Variants in CDCA2 observed in about 807,000 individuals in gnomAD.
CDCA2 encodes the protein cell division cycle associated 2.
In CDCA2, 44 loss-of-function variants were observed where a neutral mutation model predicts 67.0. The ratio of observed to expected loss-of-function variants is 0.66; its 90% CI spans 0.52 to 0.84. The LOEUF (loss-of-function observed/expected upper bound fraction) is 0.84, where lower values mean the gene tolerates loss of function less well. Ranked by LOEUF, CDCA2 falls within the 40% of genes least tolerant of loss-of-function variation. The pLI, the probability that CDCA2 is intolerant of heterozygous loss-of-function variation, is 0.00. For missense variants in CDCA2, 1,253 were observed against 1,203.2 expected (o/e 1.04, Z -0.61); for synonymous variants, 447 against 418.7 (o/e 1.07, Z -0.82).
chr8:25,461,317 A>G (rs965252834), intron 3 of CDCA2, among the ~76,000 whole-genome samples: 5 of 151,550 alleles, frequency 3.3e-5, no homozygotes, highest in Non-Finnish European at 7.4e-5. Context: ...GATTCTGGCT[A>G]ATGTCCTTCG....
intron 7 of CDCA2, among the ~76,000 whole-genome samples, chr8:25,474,503 T>A (rs1190316667): frequency 6.6e-6 from 1 of 152,202 alleles, no homozygotes; most frequent in Non-Finnish European, 1.5e-5. Context: ...ATGATCCATT[T>A]CTTTTATCCA....
chr8:25,480,849 C>G (rs1020071651), intron 8 of CDCA2, among the ~76,000 whole-genome samples: 8 of 152,136 alleles, frequency 5.3e-5, no homozygotes, highest in Non-Finnish European at 1.2e-4. Flanking sequence ...ATTATTTGAC[C>G]TTTCTCTGCC....
chr8:25,468,434 A>G lies in CDCA2; in HGVS notation c.735+21A>G. ...CTGAGGTAATTCACTTACTTTACGC[A>G]TAGGAAAATGAAGTTGTTGGTTTTC... On this transcript the variant is annotated intron_variant, in intron 6 of 14. Transcript: ENST00000330560. 3 of 1,595,086 alleles carry G rather than the reference A, an allele frequency of 1.9e-6. 1 individual carries two copies. The highest frequency in any genetic ancestry group is 2.7e-5 in the African/African-American group (2 of 74,458).
chr8:25,485,455 C>T (rs1803735408), intron 10 of CDCA2, among the ~76,000 whole-genome samples: 1 of 151,888 alleles, frequency 6.6e-6, no homozygotes, highest in African/African-American at 2.4e-5. Context: ...TTTAAATTTT[C>T]TTTATAGGAG....
intron 13 of CDCA2, 97 bp from the exon 14 acceptor site, chr8:25,503,276 C>G (rs1804544480): frequency 1.1e-6 from 1 of 883,062 alleles, no homozygotes; most frequent in African/African-American, 1.7e-5. Context: ...AAGTGAGACC[C>G]TGTCTCAAAA....
intron 3 of CDCA2, among the ~76,000 whole-genome samples, chr8:25,460,975 A>G (rs984489961): frequency 2.0e-5 from 3 of 152,168 alleles, no homozygotes; most frequent in Non-Finnish European, 4.4e-5. Context: ...TCCTTTAACA[A>G]TCACAAACAG....
intron 7 of CDCA2, among the ~76,000 whole-genome samples, chr8:25,476,306 T>G (rs1803345755): frequency 6.6e-6 from 1 of 152,204 alleles, no homozygotes; most frequent in African/African-American, 2.4e-5. Context: ...ATAATTCAGA[T>G]TTAACTGGGC....
At chr8:25,473,515 C>T (rs568587498) in intron 7 of CDCA2, among the ~76,000 whole-genome samples, 3 of 152,240 alleles carry the variant, frequency 2.0e-5, no homozygotes, top group African/African-American at 4.8e-5. Context: ...TATTCAAAAT[C>T]AGCCCTTCCA....
At chr8:25,478,617 C>T (rs1803439307) in intron 7 of CDCA2, among the ~76,000 whole-genome samples, 1 of 152,170 alleles carries the variant, frequency 6.6e-6, no homozygotes, top group African/African-American at 2.4e-5. Flanking sequence ...TCTCAGCTCT[C>T]TTGTCCATGC....
chr8:25,460,939 A>G (rs768318353), intron 3 of CDCA2, among the ~76,000 whole-genome samples: 86 of 152,208 alleles, frequency 5.7e-4, no homozygotes, highest in Non-Finnish European at 7.9e-4. Context: ...TTAAGAAAAT[A>G]TAATACTGAA....
chr8:25,498,770 A>T (rs577708643), intron 13 of CDCA2, among the ~76,000 whole-genome samples: 9 of 152,096 alleles, frequency 5.9e-5, no homozygotes, highest in African/African-American at 1.9e-4. Context: ...CTTCATTCCT[A>T]CAGTTTTGTC....
intron 13 of CDCA2, among the ~76,000 whole-genome samples, chr8:25,492,864 A>AG (rs1804067359): frequency 6.6e-6 from 1 of 152,232 alleles, no homozygotes; most frequent in Non-Finnish European, 1.5e-5. Context: ...GGTAGAAACA[A>AG]GGGGGCTAAT....
intron 13 of CDCA2, among the ~76,000 whole-genome samples, chr8:25,495,580 AATTTTTT>A (rs1157322960): frequency 2.6e-5 from 4 of 152,064 alleles, no homozygotes; most frequent in East Asian, 3.9e-4. Context: ...ACGCCCGGCT[AATTTTTT>A]ATTTTTTATT....
Position 25,507,872 on chromosome 8 carries a change from C to G in CDCA2, c.*134C>G, listed in dbSNP as rs1804749500. ...ATAAATAAACTCATTTGAGTTGAAC[C>G]TACTTTTATGTAGAAATAAATAAGT... On this transcript the variant is annotated 3_prime_UTR_variant, in exon 15 of 15. Transcript: ENST00000330560. The G allele has an allele frequency of 1.3e-6, 1 of 783,442 alleles. No homozygotes were observed. Among genetic ancestry groups the G allele is most frequent in the Non-Finnish European group, 1.8e-6 (1 of 545,252 alleles). 48.5% of individuals were successfully genotyped at this position (783,442 alleles called of 1,614,324 possible). A position where few individuals can be genotyped will look rare whatever the true frequency, so the allele number is the denominator to read the frequency against.
At chr8:25,484,261 T>C (rs1471338236) in intron 10 of CDCA2, 51 bp downstream of exon 10, 1 of 1,592,672 alleles carries the variant, frequency 6.3e-7, no homozygotes, top group African/African-American at 1.3e-5. Flanking sequence ...TTCATCAGGC[T>C]TCACCTGCTT....
chr8:25,473,621 C>T (rs2117497769), intron 7 of CDCA2, among the ~76,000 whole-genome samples: 1 of 152,190 alleles, frequency 6.6e-6, no homozygotes, highest in East Asian at 1.9e-4. Context: ...AGTCTTGGGA[C>T]CATAACAGAA....
rs904788759 is a variant in CDCA2, at chr8:25,460,658, T to C, written c.232+104T>C. On this transcript the variant is annotated intron_variant, in intron 3 of 14. Coordinates refer to ENST00000330560, the MANE Select transcript of CDCA2 (RefSeq NM_152562.4). ...TACGTACTGTCATATTTTAGGTACCTAAATTGCCTACTCTGCAAACTTGCT... is the reference window on the plus strand; with the variant it reads ...TACGTACTGTCATATTTTAGGTACCCAAATTGCCTACTCTGCAAACTTGCT... The C allele has an allele frequency of 1.3e-5, 15 of 1,199,440 alleles. No homozygotes were observed. The Admixed American group carries it at 2.8e-4, about 23-fold the overall frequency. 74.3% of individuals were successfully genotyped at this position (1,199,440 alleles called of 1,614,324 possible).
intron 13 of CDCA2, among the ~76,000 whole-genome samples, chr8:25,495,956 T>C (rs1804206637): frequency 6.6e-6 from 1 of 152,202 alleles, no homozygotes; most frequent in Non-Finnish European, 1.5e-5. Context: ...TATTTTCCAT[T>C]TAAAAGAATT....
intron 3 of CDCA2, among the ~76,000 whole-genome samples, 184 bp downstream of exon 3, chr8:25,460,738 C>T (rs73677325): frequency 9.2e-5 from 14 of 152,112 alleles, no homozygotes; most frequent in South Asian, 2.1e-4. Flanking sequence ...GCAGGGATCA[C>T]GGAATCGCAG....
Sources: gnomAD v4.1 joint callset for allele counts (sites outside exome capture counted in the v4.1 genomes callset) on GRCh38, gnomAD v4.1.1 for gene constraint, MANE v1.5 for transcripts, NCBI Gene and HGNC (gene_info 2026-07-23, HGNC 2026-07-21) for gene names.